NTM: variants seen among roughly 807,000 people sequenced by gnomAD.
NTM encodes IgLON family member 2.
NTM carries 13 observed loss-of-function variants against 42.1 expected under a neutral mutation model. The ratio of observed to expected loss-of-function variants is 0.31; its 90% CI spans 0.20 to 0.49. The LOEUF (loss-of-function observed/expected upper bound fraction) is 0.49, where lower values mean the gene tolerates loss of function less well. NTM is among the 20% of genes least tolerant of loss of function. The pLI is 0.99. For synonymous variants in NTM, 187 were observed against 179.2 expected, an observed-to-expected ratio of 1.04 and a Z score of -0.35; for missense variants, 373 against 452.8, an observed-to-expected ratio of 0.82 and a Z score of 1.60.
intron 1 of NTM, among the ~76,000 whole-genome samples, chr11:131,731,561 G>A (rs891364268): frequency 7.9e-5 from 12 of 152,288 alleles, no homozygotes; most frequent in Admixed American, 6.5e-4. Flanking sequence ...GGACAATAAA[G>A]GTCATGGCCG....
chr11:131,946,219 G>GA (rs892228101), intron 2 of NTM, among the ~76,000 whole-genome samples: 12 of 152,190 alleles, frequency 7.9e-5, no homozygotes, highest in African/African-American at 2.9e-4. Context: ...AGACGTGGGG[G>GA]AATGGACTGC....
intron 1 of NTM, among the ~76,000 whole-genome samples, chr11:131,819,139 A>C (rs183969013): frequency 9.8e-5 from 15 of 152,320 alleles, no homozygotes; most frequent in Admixed American, 7.2e-4. Context: ...TCTACTCTGA[A>C]GTTCATGACG....
chr11:131,520,807 A>C (rs2049539026), intron 1 of NTM, among the ~76,000 whole-genome samples: 1 of 152,068 alleles, frequency 6.6e-6, no homozygotes, highest in Admixed American at 6.5e-5. Context: ...TTTCAAGTAC[A>C]TATGTCTCAG....
chr11:132,271,905 A>T (rs915885572), intron 4 of NTM, among the ~76,000 whole-genome samples: 27 of 152,140 alleles, frequency 1.8e-4, no homozygotes, highest in African/African-American at 6.0e-4. Context: ...CAACTTATAC[A>T]TTTTTTGTTG....
intron 1 of NTM, among the ~76,000 whole-genome samples, chr11:131,596,892 G>T (rs1370243739): frequency 1.3e-5 from 2 of 152,204 alleles, no homozygotes; most frequent in Non-Finnish European, 2.9e-5. Flanking sequence ...AGGCTGAGGA[G>T]CAAAGAGAGC....
chr11:131,911,386 C>G, intron 1 of NTM, 178 bp from the exon 2 acceptor site: 2 of 1,580,556 alleles, frequency 1.3e-6, no homozygotes, highest in Admixed American at 1.7e-5. Flanking sequence ...CCGCTCAGTC[C>G]CCGCGCTCGC....
chr11:131,935,982 G>A (rs2059169124), intron 2 of NTM, among the ~76,000 whole-genome samples: 1 of 151,620 alleles, frequency 6.6e-6, no homozygotes, highest in South Asian at 2.1e-4. Context: ...ATAACTAAGA[G>A]TGATAAAAAG....
At chr11:131,655,969 C>T (rs2067135747) in intron 1 of NTM, among the ~76,000 whole-genome samples, 1 of 152,334 alleles carries the variant, frequency 6.6e-6, no homozygotes, top group Non-Finnish European at 1.5e-5. Context: ...GGACCTCCTC[C>T]CTCAGCCTGG....
intron 2 of NTM, among the ~76,000 whole-genome samples, chr11:132,129,889 C>A (rs2066517211): frequency 6.6e-6 from 1 of 152,314 alleles, no homozygotes; most frequent in Admixed American, 6.5e-5. Context: ...TTTTCATCTT[C>A]ACCTACCTCC....
chr11:131,974,037 T>A (rs543791018), intron 2 of NTM, among the ~76,000 whole-genome samples: 1 of 150,918 alleles, frequency 6.6e-6, no homozygotes, highest in East Asian at 1.9e-4. Context: ...GTACATATAT[T>A]TTTTCTTTCT....
At chr11:132,162,427 T>C (rs749545053) in intron 3 of NTM, among the ~76,000 whole-genome samples, 1 of 147,772 alleles carries the variant, frequency 6.8e-6, no homozygotes, top group Non-Finnish European at 1.5e-5. Context: ...TGTGTTAATG[T>C]ATGTTTTTGT....
At position 131,945,599 on chromosome 11, in the gene NTM, G is replaced by A. The variant is rs149494446; in HGVS notation, c.167+33951G>A. 4.4e-3 allele frequency among the ~76,000 whole-genome samples: 664 copies of A among 152,254 alleles called. 4 individuals carry two copies. Among genetic ancestry groups the A allele is most frequent in the African/African-American group, 0.015 (636 of 41,546 alleles). On this transcript the variant is annotated intron_variant, in intron 2 of 8. Transcript: ENST00000683400. ...CCAGGTTCAATATTTACCTAAAATTGCCAACATTTCAAAAATCATTTAAGA... is the reference window on the plus strand; with the variant it reads ...CCAGGTTCAATATTTACCTAAAATTACCAACATTTCAAAAATCATTTAAGA...
chr11:132,054,668 T>C (rs2079345002), intron 2 of NTM, among the ~76,000 whole-genome samples: 1 of 152,184 alleles, frequency 6.6e-6, no homozygotes, highest in Admixed American at 6.5e-5. Context: ...ATACAGTCAA[T>C]CTAGACCCAA....
At chr11:131,683,466 G>A (rs1196820841) in intron 1 of NTM, among the ~76,000 whole-genome samples, 1 of 152,234 alleles carries the variant, frequency 6.6e-6, no homozygotes, top group Non-Finnish European at 1.5e-5. Context: ...ATCTGACCAG[G>A]TTGATGCCTT....
intron 2 of NTM, among the ~76,000 whole-genome samples, chr11:132,111,944 G>A (rs1053986355): frequency 7.9e-5 from 12 of 152,374 alleles, no homozygotes; most frequent in East Asian, 1.9e-4. Flanking sequence ...TCGCATAGGC[G>A]TTTGGCAAAG....
At chr11:132,095,482 G>T (rs2060859567) in intron 2 of NTM, among the ~76,000 whole-genome samples, 1 of 152,130 alleles carries the variant, frequency 6.6e-6, no homozygotes, top group South Asian at 2.1e-4. Context: ...AACCACAGAA[G>T]GCATAGAGAG....
At chr11:131,699,200 T>G (rs1337549515) in intron 1 of NTM, among the ~76,000 whole-genome samples, 1 of 152,190 alleles carries the variant, frequency 6.6e-6, no homozygotes, top group Non-Finnish European at 1.5e-5. Flanking sequence ...CTGAGCTCAG[T>G]CTAGGAAGAG....
chr11:131,803,106 AT>A (rs1408118775), intron 1 of NTM, among the ~76,000 whole-genome samples: 2 of 151,866 alleles, frequency 1.3e-5, no homozygotes, highest in African/African-American at 4.9e-5. Flanking sequence ...TTTGAATGAG[AT>A]TTTCCCCCTA....
intron 1 of NTM, among the ~76,000 whole-genome samples, chr11:131,722,497 G>A (rs2078485561): frequency 6.6e-6 from 1 of 152,222 alleles, no homozygotes; most frequent in African/African-American, 2.4e-5. Context: ...TCAGAAACAT[G>A]CAGAACTCAA....
Sources: allele counts gnomAD v4.1 joint callset (sites outside exome capture counted in the v4.1 genomes callset), GRCh38; gene constraint gnomAD v4.1.1; transcripts MANE v1.5; gene names NCBI Gene and HGNC (gene_info 2026-07-23, HGNC 2026-07-21).